Variants in SPIDR observed in about 807,000 individuals in gnomAD.
The protein encoded by SPIDR is DNA repair-scaffolding protein.
A neutral mutation model predicts 104.6 loss-of-function variants in SPIDR; 93 were observed. That is an observed-to-expected ratio of 0.89 (90% confidence interval 0.75 to 1.06). The LOEUF (loss-of-function observed/expected upper bound fraction) is 1.06, where lower values mean the gene tolerates loss of function less well. SPIDR is among the 50% of genes least tolerant of loss of function. SPIDR has a pLI of 0.00. For missense variants in SPIDR, 1,154 were observed against 1,111.2 expected, an observed-to-expected ratio of 1.04 and a Z score of -0.55; for synonymous variants, 431 against 416.9, an observed-to-expected ratio of 1.03 and a Z score of -0.41.
At chr8:47,261,673 C>T (rs1442787255) in intron 1 of SPIDR, among the ~76,000 whole-genome samples, 2 of 152,150 alleles carry the variant, frequency 1.3e-5, no homozygotes, top group East Asian at 1.9e-4. Flanking sequence ...AACACAGGAC[C>T]TCCTTTCTTG....
chr8:47,376,743 A>G (rs1386292563), intron 5 of SPIDR, among the ~76,000 whole-genome samples: 1 of 152,202 alleles, frequency 6.6e-6, no homozygotes, highest in African/African-American at 2.4e-5. Flanking sequence ...TAGCATATCA[A>G]GGTACATTGA....
intron 10 of SPIDR, among the ~76,000 whole-genome samples, chr8:47,649,630 A>G (rs2071237802): frequency 6.6e-6 from 1 of 152,170 alleles, no homozygotes; most frequent in South Asian, 2.1e-4. Context: ...GAGCGGCTAT[A>G]TGGGAAAAAG....
chr8:47,453,729 A>G (rs782052402), intron 8 of SPIDR, among the ~76,000 whole-genome samples: 5 of 152,204 alleles, frequency 3.3e-5, no homozygotes, highest in Non-Finnish European at 5.9e-5. Flanking sequence ...AAAGCCTTAA[A>G]TGTTAGATCT....
intron 8 of SPIDR, among the ~76,000 whole-genome samples, chr8:47,587,651 G>A (rs2060410746): frequency 6.6e-6 from 1 of 150,912 alleles, no homozygotes; most frequent in Non-Finnish European, 1.5e-5. Flanking sequence ...TGCTGAGCAT[G>A]GTGGTGCACA....
intron 8 of SPIDR, chr8:47,510,911 G>A: frequency 1.8e-6 from 1 of 547,780 alleles, no homozygotes. Flanking sequence ...ACCTAGAGCT[G>A]TGGAGGAGAT....
At chr8:47,634,176 C>T (rs998672640) in intron 10 of SPIDR, among the ~76,000 whole-genome samples, 1 of 151,308 alleles carries the variant, frequency 6.6e-6, no homozygotes, top group Non-Finnish European at 1.5e-5. Flanking sequence ...AAAAAAGGGC[C>T]GGGCATGGTG....
chr8:47,290,624 G>A (rs2039736159), intron 3 of SPIDR, among the ~76,000 whole-genome samples: 1 of 152,174 alleles, frequency 6.6e-6, no homozygotes, highest in African/African-American at 2.4e-5. Context: ...TCTTAGCATG[G>A]CAAAGGAAGC....
At chr8:47,490,062 G>T (rs1277727194) in intron 8 of SPIDR, among the ~76,000 whole-genome samples, 1 of 152,144 alleles carries the variant, frequency 6.6e-6, no homozygotes, top group East Asian at 1.9e-4. Flanking sequence ...AGAGTGAACA[G>T]GCAACCTACA....
chr8:47,631,968 C>T (rs1319516957), intron 10 of SPIDR, among the ~76,000 whole-genome samples: 3 of 152,116 alleles, frequency 2.0e-5, no homozygotes, highest in African/African-American at 7.2e-5. Flanking sequence ...ACTGAATGTA[C>T]TGCCAGATAT....
chr8:47,550,880 A>G (rs1362272536), intron 8 of SPIDR, among the ~76,000 whole-genome samples: 3 of 152,156 alleles, frequency 2.0e-5, no homozygotes, highest in South Asian at 2.1e-4. Flanking sequence ...GCTTTTGCCC[A>G]TTCAGTATGA....
At chr8:47,608,351 C>T (rs929228086) in intron 10 of SPIDR, among the ~76,000 whole-genome samples, 1 of 152,164 alleles carries the variant, frequency 6.6e-6, no homozygotes, top group Non-Finnish European at 1.5e-5. Context: ...TGAGTTGATG[C>T]ACATCTGAGT....
chr8:47,410,267 C>T (rs549500537), intron 7 of SPIDR, among the ~76,000 whole-genome samples: 10 of 151,980 alleles, frequency 6.6e-5, no homozygotes, highest in South Asian at 2.1e-4. Flanking sequence ...CTGCAACCTC[C>T]GTATCCTGAG....
At chr8:47,490,768 T>A (rs1328306483) in intron 8 of SPIDR, among the ~76,000 whole-genome samples, 3 of 152,128 alleles carry the variant, frequency 2.0e-5, no homozygotes, top group African/African-American at 7.2e-5. Flanking sequence ...ACACCACATG[T>A]TCTCACTCAT....
intron 5 of SPIDR, among the ~76,000 whole-genome samples, chr8:47,318,313 C>T (rs902868570): frequency 6.6e-6 from 1 of 151,810 alleles, no homozygotes; most frequent in Admixed American, 6.6e-5. Flanking sequence ...GCCTCAGTAG[C>T]CGATTCGATC....
intron 5 of SPIDR, among the ~76,000 whole-genome samples, chr8:47,308,530 C>G (rs937643464): frequency 1.3e-5 from 2 of 150,840 alleles, no homozygotes; most frequent in Non-Finnish European, 2.9e-5. Context: ...TAATTTTTCC[C>G]TTATATACAG....
At chr8:47,669,330 T>TG (rs1446153577) in intron 10 of SPIDR, among the ~76,000 whole-genome samples, 1 of 152,198 alleles carries the variant, frequency 6.6e-6, no homozygotes, top group Non-Finnish European at 1.5e-5. Context: ...AGGCTGCTGA[T>TG]AAGCTGACGC....
intron 10 of SPIDR, among the ~76,000 whole-genome samples, chr8:47,624,407 A>G (rs2065668044): frequency 6.6e-6 from 1 of 152,258 alleles, no homozygotes; most frequent in African/African-American, 2.4e-5. Context: ...TGAAGAAGAC[A>G]GAGACACAAA....
At chr8:47,640,833 A>G (rs1184175931) in intron 10 of SPIDR, among the ~76,000 whole-genome samples, 1 of 93,530 alleles carries the variant, frequency 1.1e-5, no homozygotes. Context: ...ACACACTGCC[A>G]CACCCAGCTT....
intron 6 of SPIDR, 25 bp downstream of exon 6, chr8:47,396,651 T>C (rs782059196): frequency 1.7e-5 from 26 of 1,554,374 alleles, no homozygotes; most frequent in Non-Finnish European, 2.1e-5. Flanking sequence ...TTTTAAATAC[T>C]CTTTTTAAAT....
Sources: gnomAD v4.1 joint callset for allele counts (sites outside exome capture counted in the v4.1 genomes callset) on GRCh38, gnomAD v4.1.1 for gene constraint, MANE v1.5 for transcripts, NCBI Gene and HGNC (gene_info 2026-07-23, HGNC 2026-07-21) for gene names.